Variants in ZNF709 observed in about 807,000 individuals in gnomAD.
ZNF709 encodes zinc finger protein 709.
Under a neutral mutation model 10.6 loss-of-function variants are expected in ZNF709, and 15 were observed. The observed-to-expected ratio is 1.41, with a 90% CI of 0.95 to 2.18. The LOEUF is 2.18. Ranked by LOEUF, ZNF709 falls within the 30% of genes most tolerant of loss-of-function variation. ZNF709 has a pLI of 0.00. For missense variants in ZNF709, 589 were observed against 774.0 expected (o/e 0.76, Z 2.84); for synonymous variants, 194 against 238.8 (o/e 0.81, Z 1.73).
intron 1 of ZNF709, among the ~76,000 whole-genome samples, chr19:12,471,188 A>G (rs1970632049): frequency 6.6e-6 from 1 of 151,900 alleles, no homozygotes; most frequent in African/African-American, 2.4e-5. Flanking sequence ...AGAACATTTA[A>G]AGGCTTGGTT....
intron 1 of ZNF709, among the ~76,000 whole-genome samples, chr19:12,475,257 TAAAAAAAAAAAA>T (rs71166684): frequency 2.2e-5 from 1 of 44,732 alleles, no homozygotes; most frequent in Non-Finnish European, 4.3e-5. Context: ...GATTCCGTCT[TAAAAAAAAAAAA>T]AAAAAAAAAA....
At chr19:12,473,557 A>G (rs950177304) in intron 1 of ZNF709, among the ~76,000 whole-genome samples, 4 of 152,206 alleles carry the variant, frequency 2.6e-5, no homozygotes, top group Non-Finnish European at 5.9e-5. Context: ...TATTGAGGCA[A>G]TGATTGACAT....
rs1397648193 is a variant in ZNF709 at position 12,482,150 on chromosome 19, CACACAA to C, written c.3+2499_3+2504del. ...CCCACCTCTAAAATACACACACACA[CACACAA>C]ACACACACACACACACACACACACA... On this transcript the variant is annotated intron_variant, in intron 1 of 3. Transcript: ENST00000397732. 7.6e-3 allele frequency among the ~76,000 whole-genome samples: 1,052 copies of C among 138,536 alleles called. 14 individuals are homozygous for C. The highest frequency in any genetic ancestry group is 0.025 in the Middle Eastern group (7 of 280). The allele number at this position is 138,536 out of a possible 152,430, so 90.9% of individuals were successfully genotyped here.
chr19:12,479,561 G>A (rs756621652), intron 1 of ZNF709, among the ~76,000 whole-genome samples: 3 of 151,734 alleles, frequency 2.0e-5, no homozygotes, highest in Admixed American at 6.6e-5. Context: ...AATTTTCTAC[G>A]TATGAAACAA....
intron 1 of ZNF709, among the ~76,000 whole-genome samples, chr19:12,470,273 T>A (rs1214459413): frequency 6.6e-6 from 1 of 152,116 alleles, no homozygotes; most frequent in African/African-American, 2.4e-5. Context: ...GAAAAAATGC[T>A]CCCAAACAGC....
chr19:12,481,166 C>T, intron 1 of ZNF709: 1 of 984,460 alleles, frequency 1.0e-6, no homozygotes, highest in Admixed American at 6.2e-5. Context: ...AATGTAAATA[C>T]ATTCATCTCT....
chr19:12,476,471 G>A (rs528269858), intron 1 of ZNF709, among the ~76,000 whole-genome samples: 27 of 151,746 alleles, frequency 1.8e-4, no homozygotes, highest in African/African-American at 6.3e-4. Context: ...GGTGACAAAT[G>A]TTTAGATATA....
At chr19:12,468,690 T>TAAAAA (rs1039961850) in intron 1 of ZNF709, among the ~76,000 whole-genome samples, 1 of 82,354 alleles carries the variant, frequency 1.2e-5, no homozygotes, top group African/African-American at 4.5e-5. Context: ...GAATGATCAA[T>TAAAAA]AAAAAAAAAA....
At chr19:12,468,691 A>T (rs867469980) in intron 1 of ZNF709, among the ~76,000 whole-genome samples, 685 of 128,636 alleles carry the variant, frequency 5.3e-3, no homozygotes, top group African/African-American at 6.7e-3. Flanking sequence ...AATGATCAAT[A>T]AAAAAAAAAA....
rs1970574324 is a variant in ZNF709, at chr19:12,466,747, G to A, written c.107C>T (p.Thr36Ile). 3 of 1,613,752 alleles carry A rather than the reference G, an allele frequency of 1.9e-6. No homozygotes were observed. The Admixed American group carries it at 5.0e-5, about 27-fold the overall frequency. Reference protein sequence around the residue: ...KKLYRDVMQETFVNLASIGEN... With the variant: ...KKLYRDVMQEIFVNLASIGEN... ...ACCTATAGAGGCCAAGTTAACAAAGGTTTCTTGCATCACATCTCTGTAGAG... is the reference window on the plus strand; with the variant it reads ...ACCTATAGAGGCCAAGTTAACAAAGATTTCTTGCATCACATCTCTGTAGAG... Residue 36 changes from threonine to isoleucine, a missense_variant, in exon 2 of 4, where the codon ACC becomes ATC. Around this residue, in one of 2 missense-constraint regions of ZNF709, gnomAD observed 418 missense variants for 496.3 expected, o/e 0.84. Transcript: ENST00000397732.
At chr19:12,480,043 T>C (rs1970710182) in intron 1 of ZNF709, among the ~76,000 whole-genome samples, 1 of 152,086 alleles carries the variant, frequency 6.6e-6, no homozygotes, top group African/African-American at 2.4e-5. Context: ...TGGTGGCTCA[T>C]GTCTGTAATT....
At chr19:12,468,014 G>T (rs1171834737) in intron 1 of ZNF709, among the ~76,000 whole-genome samples, 1 of 149,450 alleles carries the variant, frequency 6.7e-6, no homozygotes, top group African/African-American at 2.5e-5. Context: ...CGCCCCGTCC[G>T]GGAGGGAGGT....
rs947272032 is a variant in ZNF709, at chr19:12,462,350, C to A, written c.*1646G>T. Reference sequence around the variant, plus strand: ...CTATTGGTGAATTATACCGTGGAGCCATAAAAGGTTAGATTATAGAAAACA... The same window carrying A: ...CTATTGGTGAATTATACCGTGGAGCAATAAAAGGTTAGATTATAGAAAACA... On this transcript the variant is annotated 3_prime_UTR_variant, in exon 4 of 4. Transcript: ENST00000397732. The A allele has an allele frequency of 6.6e-6, 1 of 152,144 alleles. No individual in the cohort carries two copies. Among genetic ancestry groups the A allele is most frequent in the African/African-American group, 2.4e-5 (1 of 41,428 alleles). The allele number at this position is 152,144 out of a possible 1,614,324, so 9.4% of individuals were successfully genotyped here.
At position 12,482,775 on chromosome 19, in the gene ZNF709, A is replaced by AGTAG. The variant is rs549042288; in HGVS notation, c.3+1876_3+1879dup. Among the ~76,000 whole-genome samples, 386 of 152,242 alleles carry AGTAG rather than the reference A, an allele frequency of 2.5e-3. 1 individual carries two copies. Among genetic ancestry groups the AGTAG allele is most frequent in the African/African-American group, 8.9e-3 (371 of 41,552 alleles). On this transcript the variant is annotated intron_variant, in intron 1 of 3. Transcript: ENST00000397732. ...TCTCAGTACAAAGGGCTCCTTCCACAGTAGGTATGAGCAGGTAGGACACCT... is the reference window on the plus strand; with the variant it reads ...TCTCAGTACAAAGGGCTCCTTCCACAGTAGGTAGGTATGAGCAGGTAGGACACCT...
At position 12,470,385 on chromosome 19, in the gene ZNF709, C is replaced by T. The variant is rs189110448; in HGVS notation, c.4-3535G>A. Among the ~76,000 whole-genome samples, 4 of 152,300 alleles carry T rather than the reference C, an allele frequency of 2.6e-5. No individual in the cohort carries two copies. In the East Asian group the frequency reaches 7.7e-4, roughly 29 times the overall value. ...GTAAAATGAGCTGATCACGTAAGTTCTAATTGTTCCTTGTACAGTGGTTCT... is the reference window on the plus strand; with the variant it reads ...GTAAAATGAGCTGATCACGTAAGTTTTAATTGTTCCTTGTACAGTGGTTCT... On this transcript the variant is annotated intron_variant, in intron 1 of 3. Coordinates refer to ENST00000397732, the MANE Select transcript of ZNF709 (RefSeq NM_152601.4).
At chr19:12,466,942 C>T in intron 1 of ZNF709, 92 bp from the exon 2 acceptor site, 3 of 1,482,296 alleles carry the variant, frequency 2.0e-6, no homozygotes, top group Non-Finnish European at 1.8e-6. Context: ...ATATAATTTT[C>T]TCCATTTATC....
chr19:12,472,066 G>C (rs545621843), intron 1 of ZNF709, among the ~76,000 whole-genome samples: 1 of 152,286 alleles, frequency 6.6e-6, no homozygotes, highest in South Asian at 2.1e-4. Flanking sequence ...GCTCACACTT[G>C]TAGTCCTAGC....
In ZNF709 at chr19:12,461,511, GCAC is replaced by G. The variant is rs1970514757; in HGVS notation, c.*2482_*2484del. On this transcript the variant is annotated 3_prime_UTR_variant, in exon 4 of 4. Coordinates refer to ENST00000397732, the MANE Select transcript of ZNF709 (RefSeq NM_152601.4). ...GACACCCATGTAGTTCTTTTTGACT[GCAC>G]CACTGTAGTTGTCACGGTGGAATCA... The G allele has an allele frequency of 6.6e-6, 1 of 151,960 alleles. No individual in the cohort carries two copies. Among genetic ancestry groups the G allele is most frequent in the East Asian group, 1.9e-4 (1 of 5,188 alleles). 9.4% of individuals were successfully genotyped at this position (151,960 alleles called of 1,614,324 possible).
chr19:12,470,118 C>T (rs1373872152), intron 1 of ZNF709, among the ~76,000 whole-genome samples: 1 of 152,154 alleles, frequency 6.6e-6, no homozygotes, highest in African/African-American at 2.4e-5. Context: ...ATCCTCCCAA[C>T]GTCTCTCATT....
Sources: allele counts gnomAD v4.1 joint callset (sites outside exome capture counted in the v4.1 genomes callset), GRCh38; gene constraint gnomAD v4.1.1; regional missense constraint gnomAD v4.1.1; transcripts MANE v1.5; gene names NCBI Gene and HGNC (gene_info 2026-07-23, HGNC 2026-07-21).